Variants in SPATA16 observed in about 807,000 individuals in gnomAD.
SPATA16 encodes the protein spermatogenesis-associated protein 16.
A neutral mutation model predicts 63.3 loss-of-function variants in SPATA16; 36 were observed. That is an observed-to-expected ratio of 0.57 (90% CI 0.44 to 0.75). The LOEUF is 0.75. SPATA16 is among the 30% of genes least tolerant of loss of function. The pLI is 0.00. For missense variants in SPATA16, 646 were observed against 679.3 expected (o/e 0.95, Z 0.54); for synonymous variants, 203 against 216.7 (o/e 0.94, Z 0.56).
chr3:172,989,672 A>C (rs1734532879), intron 4 of SPATA16, among the ~76,000 whole-genome samples: 1 of 152,194 alleles, frequency 6.6e-6, no homozygotes, highest in African/African-American at 2.4e-5. Context: ...AATGTAGTGC[A>C]TATTAGCAGT....
intron 2 of SPATA16, among the ~76,000 whole-genome samples, chr3:173,100,960 T>A (rs1452128654): frequency 1.3e-5 from 2 of 152,162 alleles, no homozygotes; most frequent in African/African-American, 4.8e-5. Context: ...AAGCAATTTA[T>A]CTTCATAGCA....
intron 2 of SPATA16, among the ~76,000 whole-genome samples, chr3:173,049,977 C>T (rs907013691): frequency 6.6e-6 from 1 of 152,004 alleles, no homozygotes; most frequent in African/African-American, 2.4e-5. Flanking sequence ...TTTTCTACTT[C>T]CATCTATGCA....
At chr3:173,117,851 A>T in intron 1 of SPATA16, 102 bp from the exon 2 acceptor site, 1 of 1,558,434 alleles carries the variant, frequency 6.4e-7, no homozygotes, top group Non-Finnish European at 8.7e-7. Context: ...ATTCATTATT[A>T]GTATTTGTTG....
chr3:173,009,771 A>G (rs1459458874), intron 4 of SPATA16, among the ~76,000 whole-genome samples: 1 of 152,242 alleles, frequency 6.6e-6, no homozygotes, highest in Non-Finnish European at 1.5e-5. Flanking sequence ...ACAAAGAATT[A>G]GAGAAAATGC....
rs367568019 is a variant in SPATA16 at position 172,889,596 on chromosome 3, G to A, written c.1684C>T (p.Arg562Ter). 12 of 1,613,556 alleles carry A rather than the reference G, an allele frequency of 7.4e-6. No homozygotes were observed. Among genetic ancestry groups the A allele is most frequent in the African/African-American group, 6.7e-5 (5 of 74,890 alleles). Residue 562 changes from arginine to a stop codon, truncating the protein, a stop_gained, in exon 11 of 11, where the codon CGA becomes TGA. Coordinates refer to ENST00000351008, the MANE Select transcript of SPATA16 (RefSeq NM_031955.6). LOFTEE classifies it high-confidence loss of function. The stretch of plus-strand genomic sequence containing the variant: ...TACCTTTGCTGAACAGTTTGAAGTC[G>A]CTTCATTTTTGTTTTTTGCCTTCGA... ...TARRQKTKMK[R>*]LQTVQQR
chr3:172,927,828 T>C lies in SPATA16; in HGVS notation c.1082-2336A>G, dbSNP rs546329525. On this transcript the variant is annotated intron_variant, in intron 6 of 10. Coordinates refer to ENST00000351008, the MANE Select transcript of SPATA16 (RefSeq NM_031955.6). Reference sequence around the variant, plus strand: ...TCTCTATCTAGAAAAGTATACTAAATGCTGAAGAGTTCCCAAACTAACAGA... The same window carrying C: ...TCTCTATCTAGAAAAGTATACTAAACGCTGAAGAGTTCCCAAACTAACAGA... 5.4e-4 allele frequency among the ~76,000 whole-genome samples: 82 copies of C among 152,348 alleles called. 1 individual carries two copies. The highest frequency in any genetic ancestry group is 9.0e-4 in the Non-Finnish European group (61 of 68,032).
intron 4 of SPATA16, among the ~76,000 whole-genome samples, chr3:173,017,227 A>G (rs377157911): frequency 6.6e-6 from 1 of 152,240 alleles, no homozygotes; most frequent in African/African-American, 2.4e-5. Context: ...GCATCTCTAT[A>G]GAAACTGCAC....
intron 4 of SPATA16, among the ~76,000 whole-genome samples, chr3:172,979,130 G>C (rs1229309264): frequency 6.6e-6 from 1 of 152,126 alleles, no homozygotes; most frequent in Non-Finnish European, 1.5e-5. Flanking sequence ...CCAGCTACTC[G>C]GGAGGCTGAG....
intron 10 of SPATA16, among the ~76,000 whole-genome samples, chr3:172,909,382 T>C (rs529833867): frequency 1.3e-5 from 2 of 152,228 alleles, no homozygotes; most frequent in Admixed American, 1.3e-4. Context: ...TGGTGGGATT[T>C]GCTGTGCAAG....
intron 7 of SPATA16, among the ~76,000 whole-genome samples, chr3:172,924,722 T>TA (rs1484865436): frequency 6.6e-6 from 1 of 152,226 alleles, no homozygotes; most frequent in Admixed American, 6.5e-5. Flanking sequence ...AAAGTTCAGA[T>TA]AAGCCTCAGA....
At chr3:172,980,336 T>G (rs1014162825) in intron 4 of SPATA16, among the ~76,000 whole-genome samples, 18 of 152,196 alleles carry the variant, frequency 1.2e-4, no homozygotes, top group African/African-American at 3.9e-4. Context: ...TTCTTTCTAT[T>G]CTCCTTCAGG....
At chr3:172,912,627 T>C (rs547311775) in intron 10 of SPATA16, among the ~76,000 whole-genome samples, 1 of 152,210 alleles carries the variant, frequency 6.6e-6, no homozygotes, top group Non-Finnish European at 1.5e-5. Flanking sequence ...ACTGAATGAA[T>C]AGTAAATATA....
At chr3:173,129,715 C>A (rs554822067) in intron 1 of SPATA16, among the ~76,000 whole-genome samples, 1 of 152,142 alleles carries the variant, frequency 6.6e-6, no homozygotes, top group Admixed American at 6.5e-5. Context: ...AGTAAGTTGG[C>A]AATTAATATT....
intron 1 of SPATA16, 98 bp from the exon 2 acceptor site, chr3:173,117,847 T>C: frequency 6.4e-7 from 1 of 1,566,148 alleles, no homozygotes; most frequent in South Asian, 1.1e-5. Context: ...TTTCATTCAT[T>C]ATTAGTATTT....
chr3:173,029,970 T>C (rs1244625561), intron 3 of SPATA16, among the ~76,000 whole-genome samples: 1 of 151,996 alleles, frequency 6.6e-6, no homozygotes, highest in Non-Finnish European at 1.5e-5. Context: ...CATTAATAAA[T>C]TTGAAAAGCA....
intron 5 of SPATA16, among the ~76,000 whole-genome samples, chr3:172,975,589 A>G (rs574829597): frequency 9.9e-5 from 15 of 152,176 alleles, no homozygotes; most frequent in Non-Finnish European, 1.6e-4. Flanking sequence ...ATTTAGTTAC[A>G]TGTTCATCAG....
intron 5 of SPATA16, among the ~76,000 whole-genome samples, chr3:172,963,107 T>G (rs1390356788): frequency 6.6e-6 from 1 of 152,130 alleles, no homozygotes; most frequent in Non-Finnish European, 1.5e-5. Context: ...GAATATGTAA[T>G]AATTGACTGC....
At chr3:172,932,582 G>A (rs1010425722) in intron 6 of SPATA16, among the ~76,000 whole-genome samples, 17 of 151,954 alleles carry the variant, frequency 1.1e-4, no homozygotes, top group Admixed American at 9.2e-4. Flanking sequence ...TCTTTTTAAT[G>A]CTAATACTTC....
intron 3 of SPATA16, among the ~76,000 whole-genome samples, chr3:173,027,794 A>G (rs1474342800): frequency 6.6e-6 from 1 of 151,728 alleles, no homozygotes; most frequent in Non-Finnish European, 1.5e-5. Flanking sequence ...TTCAGTGGCT[A>G]TGGGAACAGG....
Sources: gnomAD v4.1 joint callset for allele counts (sites outside exome capture counted in the v4.1 genomes callset) on GRCh38, gnomAD v4.1.1 for gene constraint, MANE v1.5 for transcripts, NCBI Gene and HGNC (gene_info 2026-07-23, HGNC 2026-07-21) for gene names.